CDKAL1: variants seen among roughly 807,000 people sequenced by gnomAD.
CDKAL1 encodes the protein threonylcarbamoyladenosine tRNA methylthiotransferase.
CDKAL1 carries 32 observed loss-of-function variants against 68.2 expected under a neutral mutation model. That is an observed-to-expected ratio of 0.47 (90% CI 0.35 to 0.63). The LOEUF (loss-of-function observed/expected upper bound fraction) is 0.63, where lower values mean the gene tolerates loss of function less well. Ranked by LOEUF, CDKAL1 falls within the 30% of genes least tolerant of loss-of-function variation. The probability of loss-of-function intolerance (pLI) is 0.00; values close to 1 mark genes in which losing one functional copy is unlikely to be tolerated. For synonymous variants in CDKAL1, 234 were observed against 244.3 expected (o/e 0.96, Z 0.39); for missense variants, 606 against 696.7 (o/e 0.87, Z 1.47).
intron 12 of CDKAL1, among the ~76,000 whole-genome samples, chr6:21,090,707 A>G (rs756983119): frequency 1.2e-4 from 18 of 152,032 alleles, no homozygotes; most frequent in Non-Finnish European, 2.2e-4. Flanking sequence ...ACCTTGTTCT[A>G]TATATCAATT....
chr6:20,602,644 A>G (rs1456295594), intron 4 of CDKAL1, among the ~76,000 whole-genome samples: 1 of 152,102 alleles, frequency 6.6e-6, no homozygotes, highest in African/African-American at 2.4e-5. Context: ...TTTCCTTGGG[A>G]AGTTGGAACA....
intron 10 of CDKAL1, among the ~76,000 whole-genome samples, chr6:20,962,196 T>G (rs1765092519): frequency 6.6e-6 from 1 of 152,258 alleles, no homozygotes; most frequent in African/African-American, 2.4e-5. Context: ...AACATTCACA[T>G]TGATATTATG....
chr6:21,107,632 A>G (rs1431945909), intron 12 of CDKAL1, among the ~76,000 whole-genome samples: 1 of 151,710 alleles, frequency 6.6e-6, no homozygotes, highest in Non-Finnish European at 1.5e-5. Context: ...GGGTTTCTCC[A>G]TTTTGGCCAA....
chr6:21,230,780 G>A (rs1218923588), intron 15 of CDKAL1, 68 bp from the exon 16 acceptor site: 6 of 1,254,826 alleles, frequency 4.8e-6, no homozygotes, highest in Admixed American at 5.2e-5. Context: ...CCCATTGCTT[G>A]ATTGATATCA....
intron 5 of CDKAL1, among the ~76,000 whole-genome samples, chr6:20,654,444 A>G (rs569447967): frequency 1.3e-5 from 2 of 152,136 alleles, no homozygotes; most frequent in Non-Finnish European, 2.9e-5. Flanking sequence ...TCTTTTGATG[A>G]AGATAAATTC....
intron 7 of CDKAL1, among the ~76,000 whole-genome samples, chr6:20,760,866 G>A (rs756592846): frequency 6.6e-5 from 10 of 152,000 alleles, no homozygotes; most frequent in Non-Finnish European, 1.2e-4. Context: ...GTTTAGATAC[G>A]ACATCAAAAG....
In CDKAL1 at chr6:20,828,509, A is replaced by G. The variant is rs149950395; in HGVS notation, c.639-17566A>G. ...CTCCCAAAGTGCTGGGATTACAAAC[A>G]TGAGCCACTGTGCTTGGCTGTGTTT... On this transcript the variant is annotated intron_variant, in intron 8 of 15. Coordinates refer to ENST00000274695, the MANE Select transcript of CDKAL1 (RefSeq NM_017774.3). Among the ~76,000 whole-genome samples the G allele has an allele frequency of 2.5e-3, 380 of 152,194 alleles. 2 individuals carry two copies. The highest frequency in any genetic ancestry group is 8.5e-3 in the African/African-American group (354 of 41,528).
At chr6:20,837,877 C>G (rs571889184) in intron 8 of CDKAL1, among the ~76,000 whole-genome samples, 1 of 150,944 alleles carries the variant, frequency 6.6e-6, no homozygotes, top group African/African-American at 2.4e-5. Context: ...AAACAACCTA[C>G]AACCCCAAAA....
intron 13 of CDKAL1, among the ~76,000 whole-genome samples, chr6:21,149,819 T>G (rs1205892120): frequency 6.6e-6 from 1 of 152,170 alleles, no homozygotes; most frequent in African/African-American, 2.4e-5. Flanking sequence ...AATTCCAAAA[T>G]GTGCAGCAGC....
intron 5 of CDKAL1, among the ~76,000 whole-genome samples, chr6:20,650,516 C>T (rs1768710070): frequency 6.6e-6 from 1 of 152,208 alleles, no homozygotes; most frequent in South Asian, 2.1e-4. Flanking sequence ...GTTGTCTGTT[C>T]ACTCTGATGA....
intron 9 of CDKAL1, among the ~76,000 whole-genome samples, chr6:20,898,471 G>A (rs1244332138): frequency 1.3e-5 from 2 of 149,814 alleles, no homozygotes; most frequent in Non-Finnish European, 3.0e-5. Context: ...TGCGACAGTG[G>A]CCTCCTGCTT....
chr6:20,583,936 TAAGTC>T (rs1170893341), intron 4 of CDKAL1, among the ~76,000 whole-genome samples: 1 of 152,126 alleles, frequency 6.6e-6, no homozygotes, highest in Non-Finnish European at 1.5e-5. Context: ...AAAAATATTT[TAAGTC>T]AGGAAAGTAA....
At chr6:21,076,715 C>T (rs1400216766) in intron 12 of CDKAL1, among the ~76,000 whole-genome samples, 1 of 152,166 alleles carries the variant, frequency 6.6e-6, no homozygotes, top group African/African-American at 2.4e-5. Context: ...ATAGGGAAGA[C>T]CCTTTTCTCA....
chr6:21,228,190 A>G (rs1779825483), intron 15 of CDKAL1, among the ~76,000 whole-genome samples: 3 of 152,214 alleles, frequency 2.0e-5, no homozygotes, highest in South Asian at 4.1e-4. Flanking sequence ...AAGACCCTGT[A>G]CCTAATTTTG....
At chr6:20,687,133 G>T (rs907166030) in intron 5 of CDKAL1, among the ~76,000 whole-genome samples, 3 of 151,974 alleles carry the variant, frequency 2.0e-5, no homozygotes, top group African/African-American at 7.3e-5. Flanking sequence ...ATAAATATTG[G>T]TCAATAGTTT....
chr6:20,756,901 TTCCTTCCTTCCTTCCTTCCTTCCC>T (rs1297226644), intron 6 of CDKAL1: 18 of 74,246 alleles, frequency 2.4e-4, no homozygotes, highest in East Asian at 9.6e-4. Flanking sequence ...CCTTCCTTCC[TTCCTTCCTTCCTTCCTTCCTTCCC>T]TCCTTCCCTT....
At chr6:20,949,045 A>G (rs1209512927) in intron 9 of CDKAL1, among the ~76,000 whole-genome samples, 1 of 152,228 alleles carries the variant, frequency 6.6e-6, no homozygotes, top group Admixed American at 6.5e-5. Context: ...TTCTATAACC[A>G]GTATAATTAC....
chr6:20,885,147 T>G (rs189835859), intron 9 of CDKAL1, among the ~76,000 whole-genome samples: 1 of 151,502 alleles, frequency 6.6e-6, no homozygotes, highest in Non-Finnish European at 1.5e-5. Context: ...AGCACTCCCC[T>G]TTTTTTTGCA....
At chr6:20,907,967 C>A (rs944191652) in intron 9 of CDKAL1, among the ~76,000 whole-genome samples, 1 of 152,170 alleles carries the variant, frequency 6.6e-6, no homozygotes, top group African/African-American at 2.4e-5. Context: ...CTGACATCCA[C>A]GGCTCTGTCA....
Sources: gnomAD v4.1 joint callset for allele counts (sites outside exome capture counted in the v4.1 genomes callset) on GRCh38, gnomAD v4.1.1 for gene constraint, MANE v1.5 for transcripts, NCBI Gene and HGNC (gene_info 2026-07-23, HGNC 2026-07-21) for gene names.